Variants in ACTR1A observed in about 807,000 individuals in gnomAD.
ACTR1A encodes the protein actin related protein 1A.
Under a neutral mutation model 50.7 loss-of-function variants are expected in ACTR1A, and 10 were observed. That is an observed-to-expected ratio of 0.20 (90% CI 0.12 to 0.33). The LOEUF (loss-of-function observed/expected upper bound fraction) is 0.33, where lower values mean the gene tolerates loss of function less well. ACTR1A is among the 10% of genes least tolerant of loss of function. The pLI, the probability that ACTR1A is intolerant of heterozygous loss-of-function variation, is 1.00. For missense variants in ACTR1A, 253 were observed against 491.7 expected (o/e 0.51, Z 4.59); for synonymous variants, 177 against 184.2 (o/e 0.96, Z 0.32).
Position 102,485,703 on chromosome 10 carries a change from T to A in ACTR1A, c.346A>T (p.Asn116Tyr). The A allele has an allele frequency of 6.2e-7, 1 of 1,614,076 alleles. No homozygotes were observed. Among genetic ancestry groups the A allele is most frequent in the Non-Finnish European group, 8.5e-7 (1 of 1,180,022 alleles). ...GCTCGTTCCCGGTTTTTTCGTGGGT[T>A]TAAAGGCGCCTCAGTCAGGAGCACA... ...HPVLLTEAPL[N>Y]PRKNRERAAE... Residue 116 changes from asparagine to tyrosine, a missense_variant, in exon 5 of 11, where the codon AAC (asparagine) becomes TAC (tyrosine). Coordinates refer to ENST00000369905, the MANE Select transcript of ACTR1A (RefSeq NM_005736.4).
intron 1 of ACTR1A, among the ~76,000 whole-genome samples, chr10:102,492,498 G>A (rs1468717414): frequency 6.6e-6 from 1 of 152,144 alleles, no homozygotes; most frequent in African/African-American, 2.4e-5. Context: ...CTCCTGGGGT[G>A]GAGTGTGGTA....
rs555926373 is a variant in ACTR1A at position 102,482,248 on chromosome 10, G to A, written c.751-73C>T. The A allele has an allele frequency of 2.1e-6, 3 of 1,452,030 alleles. No homozygotes were observed. Among genetic ancestry groups the A allele is most frequent in the African/African-American group, 1.4e-5 (1 of 71,738 alleles). The allele number at this position is 1,452,030 out of a possible 1,614,324, so 89.9% of individuals were successfully genotyped here. ...CCCTTTGGGAGTGGGAATGGAAGACGCCCCTCTGCACGTCACTTAGTAACT... is the reference window on the plus strand; with the variant it reads ...CCCTTTGGGAGTGGGAATGGAAGACACCCCTCTGCACGTCACTTAGTAACT... On this transcript the variant is annotated intron_variant, in intron 7 of 10. Coordinates refer to ENST00000369905, the MANE Select transcript of ACTR1A (RefSeq NM_005736.4). This position sits in a 1 kb window ranked among gnomAD's most constrained non-coding sequence, Gnocchi z 5.6.
At chr10:102,487,374 ATTGCAC>A (rs2062173915) in intron 4 of ACTR1A, among the ~76,000 whole-genome samples, 1 of 152,028 alleles carries the variant, frequency 6.6e-6, no homozygotes, top group Non-Finnish European at 1.5e-5. Flanking sequence ...AGATCACGCC[ATTGCAC>A]TCCAGCCTGG....
rs377366791 is a variant in ACTR1A at position 102,488,186 on chromosome 10, G to A, written c.279C>T (p.Val93=). The change falls in exon 4 of 11, where the codon GTC becomes GTT. Residue 93 remains valine (V), a synonymous_variant. Coordinates refer to ENST00000369905, the MANE Select transcript of ACTR1A (RefSeq NM_005736.4). This position sits in a 1 kb window ranked among gnomAD's most constrained non-coding sequence, Gnocchi z 4.4. ...AAGTCTGCAGCTGGTCCTTAGAATA[G>A]ACATATTGCCAAATGCGTTCCATGT... The part of the protein sequence containing the change: ...WNDMERIWQY[V]YSKDQLQTFS... 1 of 1,613,948 alleles carries A rather than the reference G, an allele frequency of 6.2e-7. No homozygotes were observed. The highest frequency in any genetic ancestry group is 8.5e-7 in the Non-Finnish European group (1 of 1,179,886).
intron 6 of ACTR1A, chr10:102,483,557 G>A (rs904015551): frequency 6.3e-6 from 1 of 158,686 alleles, no homozygotes; most frequent in East Asian, 1.8e-4. Flanking sequence ...AAAAAAACCA[G>A]GAGTGGGCGC....
In ACTR1A at chr10:102,488,012, T is replaced by A. The variant is rs1157956176; in HGVS notation, c.315+138A>T. ...ATATCTCATAGGAATGGTGTTAAGA[T>A]TAAATCTGAATATGCCTGAAAATCA... On this transcript the variant is annotated intron_variant, in intron 4 of 10. Coordinates refer to ENST00000369905, the MANE Select transcript of ACTR1A (RefSeq NM_005736.4). This position sits in a 1 kb window ranked among gnomAD's most constrained non-coding sequence, Gnocchi z 4.4. 1.0e-6 allele frequency: 1 copy of A among 965,062 alleles called. No individual in the cohort carries two copies. The highest frequency in any genetic ancestry group is 1.5e-6 in the Non-Finnish European group (1 of 657,342). The allele number at this position is 965,062 out of a possible 1,614,324, so 59.8% of individuals were successfully genotyped here.
chr10:102,480,725 C>T lies in ACTR1A; in HGVS notation c.*138G>A, dbSNP rs1276173636. On this transcript the variant is annotated 3_prime_UTR_variant, in exon 11 of 11. Coordinates refer to ENST00000369905, the MANE Select transcript of ACTR1A (RefSeq NM_005736.4). ...CTGGGCCCAGGGTCCCAGGGCCACA[C>T]GGCACTCGCATGTGCACACACACTC... 2.4e-5 allele frequency: 18 copies of T among 744,562 alleles called. No homozygotes were observed. Among genetic ancestry groups the T allele is most frequent in the South Asian group, 6.5e-5 (4 of 61,610 alleles). The allele number at this position is 744,562 out of a possible 1,614,324, so 46.1% of individuals were successfully genotyped here. A position where few individuals can be genotyped will look rare whatever the true frequency, so the allele number is the denominator to read the frequency against.
In ACTR1A at chr10:102,482,751, T is replaced by A. The variant is rs1352311113; in HGVS notation, c.750+260A>T. The stretch of plus-strand genomic sequence containing the variant: ...GAATTGTCTTGGGCCACACATAATA[T>A]ACACTAACACTAATGACAGCTGCTG... On this transcript the variant is annotated intron_variant, in intron 7 of 10. Transcript: ENST00000369905. This position sits in a 1 kb window ranked among gnomAD's most constrained non-coding sequence, Gnocchi z 5.6. The A allele has an allele frequency of 2.0e-6, 1 of 490,830 alleles. No individual in the cohort carries two copies. Among genetic ancestry groups the A allele is most frequent in the Non-Finnish European group, 3.7e-6 (1 of 272,594 alleles). The allele number at this position is 490,830 out of a possible 1,614,324, so 30.4% of individuals were successfully genotyped here. A position where few individuals can be genotyped will look rare whatever the true frequency, so the allele number is the denominator to read the frequency against.
rs1421387310 is a variant in ACTR1A at position 102,479,811 on chromosome 10, T to G, written c.*1052A>C. The G allele has an allele frequency of 1.9e-6, 1 of 536,136 alleles. No individual in the cohort carries two copies. The highest frequency in any genetic ancestry group is 3.7e-5 in the Admixed American group (1 of 26,910). 33.2% of individuals were successfully genotyped at this position (536,136 alleles called of 1,614,324 possible). A position where few individuals can be genotyped will look rare whatever the true frequency, so the allele number is the denominator to read the frequency against. ...CTTAGGGGCCTCTGCCAAAGAAAAA[T>G]TTTACCTCCTGTTTCAGAAAATCTA... On this transcript the variant is annotated 3_prime_UTR_variant, in exon 11 of 11. Transcript: ENST00000369905. This position sits in a 1 kb window ranked among gnomAD's most constrained non-coding sequence, Gnocchi z 4.0.
Position 102,488,426 on chromosome 10 carries a change from G to A in ACTR1A, c.190-151C>T, listed in dbSNP as rs893754037. ...CTGTCCTTGCCCAGGGCTAAGGGTG[G>A]GCACTCATTCTCCAAGGCTAAATAC... is the stretch of plus-strand genomic sequence containing the variant. On this transcript the variant is annotated intron_variant, in intron 3 of 10. Coordinates refer to ENST00000369905, the MANE Select transcript of ACTR1A (RefSeq NM_005736.4). The surrounding 1 kb of genome is among the most constrained non-coding windows in gnomAD (Gnocchi z 4.4). 21 of 1,141,214 alleles carry A rather than the reference G, an allele frequency of 1.8e-5. No individual in the cohort carries two copies. Among genetic ancestry groups the A allele is most frequent in the Non-Finnish European group, 2.3e-5 (19 of 809,976 alleles). 70.7% of individuals were successfully genotyped at this position (1,141,214 alleles called of 1,614,324 possible). A position where few individuals can be genotyped will look rare whatever the true frequency, so the allele number is the denominator to read the frequency against.
At chr10:102,498,341 G>T (rs1265435988) in intron 1 of ACTR1A, among the ~76,000 whole-genome samples, 1 of 148,908 alleles carries the variant, frequency 6.7e-6, no homozygotes, top group Non-Finnish European at 1.5e-5. Context: ...TTTTTTTAAA[G>T]GGGGCTGAAG....
chr10:102,485,541 G>C (rs544412315), intron 5 of ACTR1A, 68 bp downstream of exon 5: 8 of 1,600,378 alleles, frequency 5.0e-6, no homozygotes, highest in Non-Finnish European at 6.8e-6. Flanking sequence ...TTCCAGAGGA[G>C]AGCCAGCCTC....
intron 4 of ACTR1A, among the ~76,000 whole-genome samples, chr10:102,486,403 A>C (rs1221782694): frequency 6.6e-6 from 1 of 152,086 alleles, no homozygotes; most frequent in African/African-American, 2.4e-5. Context: ...AAACTGTCTG[A>C]AAACAGCCGG....
intron 9 of ACTR1A, 86 bp downstream of exon 9, chr10:102,481,751 G>T: frequency 6.6e-7 from 1 of 1,515,112 alleles, no homozygotes; most frequent in Non-Finnish European, 9.1e-7. Flanking sequence ...GAAGAGCTTG[G>T]GCAAAGCTAG....
At chr10:102,485,857 A>G (rs2062165789) in intron 4 of ACTR1A, 124 bp from the exon 5 acceptor site, 5 of 1,385,254 alleles carry the variant, frequency 3.6e-6, no homozygotes, top group East Asian at 4.6e-5. Flanking sequence ...CTCACTCCAA[A>G]AAAAGGCAAG....
intron 1 of ACTR1A, among the ~76,000 whole-genome samples, chr10:102,491,330 CCTA>C (rs767473448): frequency 3.3e-5 from 5 of 152,178 alleles, no homozygotes; most frequent in Non-Finnish European, 7.3e-5. Flanking sequence ...GTGCTTTTAA[CCTA>C]CTTTCCCAGC....
intron 9 of ACTR1A, among the ~76,000 whole-genome samples, chr10:102,481,493 G>A (rs1163133471): frequency 6.6e-6 from 1 of 152,214 alleles, no homozygotes; most frequent in Non-Finnish European, 1.5e-5. Flanking sequence ...GTCAGACTGT[G>A]TGACAGGGGA....
intron 1 of ACTR1A, among the ~76,000 whole-genome samples, chr10:102,500,167 C>G (rs2062241490): frequency 6.6e-6 from 1 of 152,212 alleles, no homozygotes; most frequent in Non-Finnish European, 1.5e-5. Context: ...GGTGTGGTGG[C>G]TCATGCTTGT....
intron 5 of ACTR1A, 45 bp from the exon 6 acceptor site, chr10:102,484,421 C>G: frequency 6.6e-7 from 1 of 1,510,450 alleles, no homozygotes; most frequent in Non-Finnish European, 9.2e-7. Flanking sequence ...CCTCCTCACG[C>G]TGGGAAGAAA....
Sources: gnomAD v4.1 joint callset for allele counts (sites outside exome capture counted in the v4.1 genomes callset) on GRCh38, gnomAD v4.1.1 for gene constraint, Gnocchi (gnomAD v3.1) non-coding constraint, MANE v1.5 for transcripts, NCBI Gene and HGNC (gene_info 2026-07-23, HGNC 2026-07-21) for gene names.